Variants in CERS3 observed in about 807,000 individuals in gnomAD.
CERS3 encodes LAG1 homolog, ceramide synthase 3.
Under a neutral mutation model 50.3 loss-of-function variants are expected in CERS3, and 33 were observed. The ratio of observed to expected loss-of-function variants is 0.66; its 90% CI spans 0.50 to 0.88. The LOEUF (loss-of-function observed/expected upper bound fraction) is 0.88. Among genes scored for constraint, CERS3 ranks in the 40% least tolerant of loss-of-function variants. CERS3 has a pLI of 0.00. For synonymous variants in CERS3, 176 were observed against 155.2 expected (o/e 1.13, Z -0.99); for missense variants, 470 against 460.3 (o/e 1.02, Z -0.19).
At chr15:100,540,547 TA>T (rs912472912) in intron 1 of CERS3, among the ~76,000 whole-genome samples, 4 of 151,558 alleles carry the variant, frequency 2.6e-5, no homozygotes, top group East Asian at 1.9e-4. Context: ...CTCTCTCAAA[TA>T]AAAAAAAATT....
rs570639615 is a variant in CERS3 at position 100,441,448 on chromosome 15, G to A, written c.999+14445C>T. ...ACTTCCACGCCCCAACCCCTTTCTCGCTTTTCTGGAGGGTAAAAACACCCG... is the reference window on the plus strand; with the variant it reads ...ACTTCCACGCCCCAACCCCTTTCTCACTTTTCTGGAGGGTAAAAACACCCG... On this transcript the variant is annotated intron_variant, in intron 11 of 11. Transcript: ENST00000679737. Among the ~76,000 whole-genome samples the A allele has an allele frequency of 1.5e-3, 211 of 144,736 alleles. 1 individual carries two copies. The highest frequency in any genetic ancestry group is 2.5e-3 in the Non-Finnish European group (167 of 66,846). The allele number at this position is 144,736 out of a possible 152,430, so 95.0% of individuals were successfully genotyped here.
intron 9 of CERS3, among the ~76,000 whole-genome samples, chr15:100,472,714 C>T (rs933004129): frequency 1.2e-4 from 18 of 152,184 alleles, no homozygotes; most frequent in Non-Finnish European, 2.5e-4. Flanking sequence ...AAATTAACAT[C>T]TCTCTAGTAC....
intron 11 of CERS3, among the ~76,000 whole-genome samples, chr15:100,419,775 A>G: frequency 6.7e-6 from 1 of 148,368 alleles, no homozygotes; most frequent in South Asian, 2.2e-4. Context: ...AGGATTAAGA[A>G]TCTCACTCCA....
chr15:100,436,777 C>A (rs1026554699), intron 11 of CERS3, among the ~76,000 whole-genome samples: 3 of 152,050 alleles, frequency 2.0e-5, no homozygotes. Context: ...GATTGTTTTA[C>A]TTATTTAAAC....
At chr15:100,491,893 CTTT>C (rs35370636) in intron 3 of CERS3, among the ~76,000 whole-genome samples, 3 of 146,318 alleles carry the variant, frequency 2.1e-5, no homozygotes, top group Admixed American at 6.8e-5. Context: ...TTATTGATTT[CTTT>C]TTTTTTTTTT....
upstream of CERS3, chr15:100,529,354 T>C (rs2036883240): frequency 6.6e-6 from 1 of 152,184 alleles, no homozygotes; most frequent in Admixed American, 6.5e-5. Context: ...ACAAAACTCA[T>C]CCACTAAGGA....
chr15:100,488,778 A>G (rs1268184131), intron 4 of CERS3, among the ~76,000 whole-genome samples: 6 of 113,922 alleles, frequency 5.3e-5, no homozygotes, highest in African/African-American at 2.1e-4. Flanking sequence ...GGTGATATAT[A>G]ACTGTTTTTT....
intron 11 of CERS3, among the ~76,000 whole-genome samples, chr15:100,414,143 T>C (rs569297100): frequency 6.6e-6 from 1 of 151,968 alleles, no homozygotes; most frequent in South Asian, 2.1e-4. Flanking sequence ...CACCAGAGAA[T>C]CAGAGAGCCA....
At chr15:100,406,589 G>A (rs1424192792) in intron 11 of CERS3, among the ~76,000 whole-genome samples, 1 of 152,066 alleles carries the variant, frequency 6.6e-6, no homozygotes, top group African/African-American at 2.4e-5. Flanking sequence ...TAAACACTGA[G>A]GAATAAACTT....
At chr15:100,406,402 A>G (rs2031027123) in intron 11 of CERS3, among the ~76,000 whole-genome samples, 1 of 152,192 alleles carries the variant, frequency 6.6e-6, no homozygotes, top group African/African-American at 2.4e-5. Context: ...CAAGAGTCTC[A>G]GCATATATGT....
At chr15:100,444,161 C>A (rs1211240849) in intron 11 of CERS3, among the ~76,000 whole-genome samples, 1 of 152,228 alleles carries the variant, frequency 6.6e-6, no homozygotes, top group African/African-American at 2.4e-5. Context: ...GTGGCTGCTG[C>A]TGCCTTAATA....
chr15:100,485,911 C>G (rs1486286412), intron 4 of CERS3, among the ~76,000 whole-genome samples: 5 of 152,088 alleles, frequency 3.3e-5, no homozygotes, highest in Admixed American at 3.3e-4. Context: ...TCCATTTCCT[C>G]TTAATTCTAT....
intron 11 of CERS3, chr15:100,437,937 AT>A (rs2033497299): frequency 6.7e-6 from 1 of 149,914 alleles, no homozygotes; most frequent in African/African-American, 2.5e-5. Context: ...AAAACAAAAT[AT>A]TTTCTTATGC....
intron 2 of CERS3, among the ~76,000 whole-genome samples, chr15:100,502,691 G>A (rs187580379): frequency 4.6e-5 from 7 of 152,332 alleles, no homozygotes; most frequent in South Asian, 2.1e-4. Context: ...GTGAAGAGCC[G>A]TGCTGAGCAC....
In CERS3 at chr15:100,434,158, A is replaced by G. The variant is rs1355287310; in HGVS notation, c.999+21735T>C. 5.3e-5 allele frequency among the ~76,000 whole-genome samples: 8 copies of G among 152,214 alleles called. 1 individual carries two copies. Among genetic ancestry groups the G allele is most frequent in the South Asian group, 2.1e-4 (1 of 4,834 alleles). ...AGGCTCAGACTGAAGACGTCCTAGAAGTATGTCAGTTGCATGGAGGAATCT... is the reference window on the plus strand; with the variant it reads ...AGGCTCAGACTGAAGACGTCCTAGAGGTATGTCAGTTGCATGGAGGAATCT... On this transcript the variant is annotated intron_variant, in intron 11 of 11. Coordinates refer to ENST00000679737, the MANE Select transcript of CERS3 (RefSeq NM_001378789.1).
At chr15:100,419,353 A>C (rs2032218878) in intron 11 of CERS3, among the ~76,000 whole-genome samples, 1 of 98,738 alleles carries the variant, frequency 1.0e-5, no homozygotes, top group Non-Finnish European at 2.0e-5. Context: ...ACATAATGGT[A>C]AAGGGATCAA....
In CERS3 at chr15:100,521,652, AATAAAG is replaced by A. The variant is rs1166405620; in HGVS notation, c.-2+9_-2+14del. The A allele has an allele frequency of 1.3e-5, 2 of 152,176 alleles. No individual in the cohort carries two copies. The highest frequency in any genetic ancestry group is 4.8e-5 in the African/African-American group (2 of 41,418). The allele number at this position is 152,176 out of a possible 1,614,324, so 9.4% of individuals were successfully genotyped here. A position where few individuals can be genotyped will look rare whatever the true frequency, so the allele number is the denominator to read the frequency against. ...ACACAGTAGAGGTAAAATAAAATAAAATAAAGATAATTACCTGAGTATATATGATAG... is the reference window on the plus strand; with the variant it reads ...ACACAGTAGAGGTAAAATAAAATAAAATAATTACCTGAGTATATATGATAG... On this transcript the variant is annotated intron_variant, in intron 2 of 11. Transcript: ENST00000679737.
chr15:100,403,014 G>T, intron 11 of CERS3, 149 bp from the exon 12 acceptor site: 1 of 754,294 alleles, frequency 1.3e-6, no homozygotes, highest in Non-Finnish European at 2.1e-6. Context: ...ACTATATCAT[G>T]GATCATAAAG....
intron 11 of CERS3, among the ~76,000 whole-genome samples, chr15:100,446,649 G>A (rs190934316): frequency 2.5e-4 from 38 of 152,190 alleles, no homozygotes; most frequent in Admixed American, 1.3e-3. Flanking sequence ...TATTATACAC[G>A]GATAGTAACA....
Sources: gnomAD v4.1 joint callset for allele counts (sites outside exome capture counted in the v4.1 genomes callset) on GRCh38, gnomAD v4.1.1 for gene constraint, MANE v1.5 for transcripts, NCBI Gene and HGNC (gene_info 2026-07-23, HGNC 2026-07-21) for gene names.